COL11A1: variants seen among roughly 807,000 people sequenced by gnomAD.
COL11A1 encodes the protein collagen type XI alpha 1 chain.
In COL11A1, 74 loss-of-function variants were observed where a neutral mutation model predicts 265.2. The observed-to-expected ratio is 0.28, with a 90% CI of 0.23 to 0.34. COL11A1 has a LOEUF of 0.34. Ranked by LOEUF, COL11A1 falls within the 10% of genes least tolerant of loss-of-function variation. COL11A1 has a pLI of 1.00. For synonymous variants in COL11A1, 816 were observed against 727.6 expected (o/e 1.12, Z -1.96); for missense variants, 2,165 against 2,263.6 (o/e 0.96, Z 0.88).
intron 28 of COL11A1, among the ~76,000 whole-genome samples, chr1:102,994,288 T>C (rs1009797444): frequency 6.6e-6 from 1 of 152,152 alleles, no homozygotes; most frequent in Non-Finnish European, 1.5e-5. Context: ...AAGTGGGACC[T>C]GGTGGGGGGT....
intron 42 of COL11A1, 30 bp downstream of exon 42, chr1:102,946,819 A>G (rs768908430): frequency 7.2e-6 from 11 of 1,521,942 alleles, no homozygotes; most frequent in Non-Finnish European, 1.0e-5. Context: ...GGGTAGCAGC[A>G]TAATATATTT....
At chr1:103,006,348 T>A in intron 15 of COL11A1, 33 bp from the exon 16 acceptor site, 5 of 1,572,324 alleles carry the variant, frequency 3.2e-6, no homozygotes, top group Non-Finnish European at 4.4e-6. Context: ...AACCATATTA[T>A]AGAATTCTTG....
intron 2 of COL11A1, among the ~76,000 whole-genome samples, chr1:103,081,883 A>G (rs1204293148): frequency 6.6e-6 from 1 of 152,018 alleles, no homozygotes; most frequent in Non-Finnish European, 1.5e-5. Flanking sequence ...TTGACTGCAC[A>G]TAACTTGGTC....
intron 4 of COL11A1, among the ~76,000 whole-genome samples, chr1:103,071,467 CTTTTTTTTT>C (rs869263393): frequency 1.0e-4 from 5 of 49,890 alleles, no homozygotes; most frequent in African/African-American, 4.0e-4. Context: ...GTTGGTAGGA[CTTTTTTTTT>C]TTTTTTTTTT....
chr1:103,060,164 T>C (rs1670560294), intron 4 of COL11A1, among the ~76,000 whole-genome samples: 1 of 152,092 alleles, frequency 6.6e-6, no homozygotes, highest in Non-Finnish European at 1.5e-5. Context: ...ACATCTGACT[T>C]ATCAGAAATC....
At chr1:103,001,868 A>G (rs1665139022) in intron 24 of COL11A1, 57 bp downstream of exon 24, 74 of 1,524,116 alleles carry the variant, frequency 4.9e-5, no homozygotes, top group Non-Finnish European at 6.6e-5. Context: ...ATACCTGCCT[A>G]AGATTGCTAA....
chr1:103,085,112 C>T (rs1460583417), intron 1 of COL11A1, among the ~76,000 whole-genome samples: 2 of 152,168 alleles, frequency 1.3e-5, no homozygotes, highest in East Asian at 3.9e-4. Flanking sequence ...TGTCCTCCCA[C>T]CATGCAGTTC....
At chr1:103,073,412 A>G (rs2102274841) in intron 4 of COL11A1, among the ~76,000 whole-genome samples, 1 of 151,944 alleles carries the variant, frequency 6.6e-6, no homozygotes, top group Non-Finnish European at 1.5e-5. Flanking sequence ...AAATTATATT[A>G]ATATTTATTT....
chr1:103,028,919 T>C (rs1310387835), intron 5 of COL11A1, among the ~76,000 whole-genome samples: 1 of 152,104 alleles, frequency 6.6e-6, no homozygotes, highest in Non-Finnish European at 1.5e-5. Context: ...ATAATTTCAC[T>C]TGATAAGAAA....
intron 1 of COL11A1, among the ~76,000 whole-genome samples, chr1:103,086,664 C>T (rs990622958): frequency 6.6e-6 from 1 of 152,124 alleles, no homozygotes; most frequent in Admixed American, 6.5e-5. Flanking sequence ...GATCCGCCCG[C>T]CTCGGCCTCC....
At chr1:102,951,173 A>G (rs776001196) in intron 41 of COL11A1, among the ~76,000 whole-genome samples, 3 of 152,206 alleles carry the variant, frequency 2.0e-5, no homozygotes, top group Non-Finnish European at 4.4e-5. Context: ...GAGAATTAGA[A>G]GCATGAGATC....
At chr1:103,055,858 C>T (rs1455028690) in intron 4 of COL11A1, among the ~76,000 whole-genome samples, 7 of 152,164 alleles carry the variant, frequency 4.6e-5, no homozygotes, top group South Asian at 2.1e-4. Flanking sequence ...ACTTTTCAAA[C>T]GTTCGTATCT....
intron 38 of COL11A1, 61 bp downstream of exon 38, chr1:102,965,426 G>C (rs548257000): frequency 7.1e-7 from 1 of 1,402,890 alleles, no homozygotes; most frequent in African/African-American, 1.4e-5. Flanking sequence ...ACACAACTTA[G>C]GAAGGTTAAA....
chr1:103,038,699 T>TA (rs1029335135), intron 4 of COL11A1, among the ~76,000 whole-genome samples: 3 of 152,204 alleles, frequency 2.0e-5, no homozygotes, highest in African/African-American at 4.8e-5. Flanking sequence ...TGTTGTATTT[T>TA]AAAAAAATCA....
intron 41 of COL11A1, among the ~76,000 whole-genome samples, chr1:102,957,872 T>C (rs1159007923): frequency 2.6e-5 from 4 of 152,060 alleles, no homozygotes. Flanking sequence ...CCATTCCAAG[T>C]TGCAAGAATA....
At chr1:103,107,511 CAG>C (rs1370845400) in intron 1 of COL11A1, among the ~76,000 whole-genome samples, 2 of 144,074 alleles carry the variant, frequency 1.4e-5, no homozygotes, top group East Asian at 4.1e-4. Context: ...CCCAAACACA[CAG>C]AGTGTTCCTA....
chr1:103,054,580 G>T (rs993269601), intron 4 of COL11A1, among the ~76,000 whole-genome samples: 3 of 151,520 alleles, frequency 2.0e-5, no homozygotes, highest in African/African-American at 7.3e-5. Context: ...TTTTGTTGTT[G>T]TTGTTGTTGT....
At chr1:103,064,851 C>G (rs776530152) in intron 4 of COL11A1, among the ~76,000 whole-genome samples, 1 of 149,268 alleles carries the variant, frequency 6.7e-6, no homozygotes, top group Non-Finnish European at 1.5e-5. Context: ...AAAAAAAAAT[C>G]GCAACTTCCA....
chr1:102,953,285 G>C (rs1409806660), intron 41 of COL11A1, among the ~76,000 whole-genome samples: 2 of 151,998 alleles, frequency 1.3e-5, no homozygotes, highest in African/African-American at 4.8e-5. Context: ...ATCTCCAGCA[G>C]TTTGAGTAGT....
Sources: gnomAD v4.1 joint callset for allele counts (sites outside exome capture counted in the v4.1 genomes callset) on GRCh38, gnomAD v4.1.1 for gene constraint, MANE v1.5 for transcripts, NCBI Gene and HGNC (gene_info 2026-07-23, HGNC 2026-07-21) for gene names.